Variants in ASB2 observed in about 807,000 individuals in gnomAD.
ASB2 encodes the protein ankyrin repeat and SOCS box protein 2.
Under a neutral mutation model 62.4 loss-of-function variants are expected in ASB2, and 58 were observed. That is an observed-to-expected ratio of 0.93 (90% CI 0.75 to 1.16). The LOEUF is 1.16. Ranked by LOEUF, ASB2 falls within the 50% of genes most tolerant of loss-of-function variation. ASB2 has a pLI of 0.00. For synonymous variants in ASB2, 386 were observed against 385.3 expected, an observed-to-expected ratio of 1.00 and a Z score of -0.02; for missense variants, 928 against 887.9, an observed-to-expected ratio of 1.05 and a Z score of -0.57.
intron 9 of ASB2, among the ~76,000 whole-genome samples, chr14:93,936,000 CA>C (rs993792789): frequency 1.3e-5 from 2 of 152,196 alleles, no homozygotes; most frequent in African/African-American, 4.8e-5. Context: ...TAATTAATTA[CA>C]GGCATTGAGG....
In ASB2 at chr14:93,954,458, T is replaced by A. The variant is rs1236352660; in HGVS notation, c.337A>T (p.Ile113Phe). ...AAGGCCTCTTCATCGCCATCCTTGA[T>A]GGCCTTTATCAAGGGGTCCGCAGGC... is the stretch of plus-strand genomic sequence containing the variant. Reference protein sequence around the residue: ...LAPADPLIKAIKDGDEEALKT... With the variant: ...LAPADPLIKAFKDGDEEALKT... Residue 113 changes from isoleucine (I) to phenylalanine (F), a missense_variant, in exon 4 of 10, where the codon ATC becomes TTC. Ile to Phe is a conservative substitution (Grantham distance 21, BLOSUM62 0). Transcript: ENST00000555019. The A allele has an allele frequency of 6.2e-7, 1 of 1,614,232 alleles. No homozygotes were observed. Among genetic ancestry groups the A allele is most frequent in the Non-Finnish European group, 8.5e-7 (1 of 1,180,036 alleles).
chr14:93,934,690 A>G lies in ASB2; in HGVS notation c.1874T>C (p.Leu625Pro). The G allele has an allele frequency of 6.2e-7, 1 of 1,614,154 alleles. No individual in the cohort carries two copies. Among genetic ancestry groups the G allele is most frequent in the Non-Finnish European group, 8.5e-7 (1 of 1,180,000 alleles). The change falls in exon 10 of 10, where the codon CTG becomes CCG. Residue 625 changes from leucine (L) to proline (P), a missense_variant. By Grantham distance (98) the Leu-to-Pro change is moderately conservative. Transcript: ENST00000555019. ...LLDTLPLPGR[L>P]IRYLKYENTQ Reference sequence around the variant, plus strand: ...GTTCTCGTATTTCAGGTATCTAATCAGCCTGCCTGGGAGCGGCAAGGTGTC... The same window carrying G: ...GTTCTCGTATTTCAGGTATCTAATCGGCCTGCCTGGGAGCGGCAAGGTGTC...
chr14:93,956,901 G>A (rs1350692688), intron 2 of ASB2, 31 bp from the exon 3 acceptor site: 11 of 1,613,820 alleles, frequency 6.8e-6, no homozygotes, highest in Non-Finnish European at 9.3e-6. Context: ...GTGAAAGAGG[G>A]AAAAGTACTC....
At chr14:93,971,955 T>C (rs1184002660) in intron 1 of ASB2, among the ~76,000 whole-genome samples, 1 of 149,738 alleles carries the variant, frequency 6.7e-6, no homozygotes, top group Non-Finnish European at 1.5e-5. Flanking sequence ...ACGCTACATG[T>C]ATTATATATA....
intron 1 of ASB2, among the ~76,000 whole-genome samples, chr14:93,973,758 C>T (rs1222094414): frequency 6.6e-6 from 1 of 151,476 alleles, no homozygotes; most frequent in East Asian, 1.9e-4. Flanking sequence ...ATTCCAGGCC[C>T]CTGACCCATA....
chr14:93,961,895 A>G (rs1367776175), intron 2 of ASB2, among the ~76,000 whole-genome samples: 2 of 152,168 alleles, frequency 1.3e-5, no homozygotes, highest in Admixed American at 6.5e-5. Context: ...TCACAGCATC[A>G]GCAGAGCCTG....
At chr14:93,945,317 G>C (rs1422658855) in intron 7 of ASB2, among the ~76,000 whole-genome samples, 3 of 152,132 alleles carry the variant, frequency 2.0e-5, no homozygotes, top group African/African-American at 7.2e-5. Flanking sequence ...ATGATTTGTG[G>C]AACTCAAGAG....
At chr14:93,945,516 G>C (rs945499442) in intron 7 of ASB2, among the ~76,000 whole-genome samples, 2 of 152,156 alleles carry the variant, frequency 1.3e-5, no homozygotes, top group Non-Finnish European at 2.9e-5. Context: ...CTGGTCCTCC[G>C]ACAACCCCAT....
chr14:93,962,195 A>C (rs1889434310), intron 2 of ASB2, among the ~76,000 whole-genome samples: 1 of 99,884 alleles, frequency 1.0e-5, no homozygotes. Flanking sequence ...GCTCACTGCA[A>C]GCTCCGCCTC....
chr14:93,955,537 T>C (rs1317896116), intron 3 of ASB2: 1 of 177,964 alleles, frequency 5.6e-6, no homozygotes, highest in African/African-American at 2.3e-5. Context: ...AGTGGGGGTA[T>C]GTGCCCCCCT....
rs776458352 is a variant in ASB2, at chr14:93,939,534, C to T, written c.1191G>A (p.Thr397=). 18 of 1,603,280 alleles carry T rather than the reference C, an allele frequency of 1.1e-5. 1 individual carries two copies. In the South Asian group the frequency reaches 1.9e-4, roughly 17 times the overall value. The change falls in exon 8 of 10, where the codon ACG becomes ACA. Residue 397 remains threonine (T), a synonymous_variant. Coordinates refer to ENST00000555019, the MANE Select transcript of ASB2 (RefSeq NM_001202429.2). ...GGCGCGCGCGCTCGGGGGCCAGCGGCGTGTTCACGTCGAAGCGCGCGCTCA... is the reference window on the plus strand; with the variant it reads ...GGCGCGCGCGCTCGGGGGCCAGCGGTGTGTTCACGTCGAAGCGCGCGCTCA... ...ALLSARFDVN[T]PLAPERARLY...
chr14:93,940,159 C>A (rs1467397581), intron 7 of ASB2: 1 of 156,316 alleles, frequency 6.4e-6, no homozygotes, highest in Non-Finnish European at 1.4e-5. Flanking sequence ...GGCAGTAGAG[C>A]CTAGTGGCGA....
chr14:93,952,503 C>T (rs1433705146), intron 5 of ASB2, among the ~76,000 whole-genome samples: 7 of 152,216 alleles, frequency 4.6e-5, no homozygotes, highest in African/African-American at 1.7e-4. Context: ...GTAATTTTTC[C>T]AAGTACAAAG....
rs761556357 is a variant in ASB2 at position 93,937,794 on chromosome 14, C to T, written c.1675G>A (p.Val559Ile). Residue 559 changes from valine (V) to isoleucine (I), a missense_variant, in exon 9 of 10, where the codon GTC (valine) becomes ATC (isoleucine). Coordinates refer to ENST00000555019, the MANE Select transcript of ASB2 (RefSeq NM_001202429.2). ...VSRWAGPIID[V>I]LLDYVGNVQL... The stretch of plus-strand genomic sequence containing the variant: ...ACGTTGCCCACGTAGTCCAGGAGGA[C>T]ATCGATGATGGGCCCCGCCCAGCGG... The T allele has an allele frequency of 3.7e-6, 6 of 1,611,826 alleles. No individual in the cohort carries two copies. The South Asian group carries it at 5.5e-5, about 15-fold the overall frequency.
intron 2 of ASB2, among the ~76,000 whole-genome samples, chr14:93,962,107 CTTTTT>C (rs35800977): frequency 5.5e-5 from 4 of 72,998 alleles, no homozygotes; most frequent in Middle Eastern, 0.016. Context: ...ATTAAACATT[CTTTTT>C]TTTTTTTTTT....
chr14:93,944,419 G>A (rs995332797), intron 7 of ASB2, among the ~76,000 whole-genome samples: 2 of 152,262 alleles, frequency 1.3e-5, no homozygotes, highest in African/African-American at 4.8e-5. Flanking sequence ...GTGTGCTGAC[G>A]AGAAGACACC....
intron 5 of ASB2, 129 bp from the exon 6 acceptor site, chr14:93,951,373 C>T (rs746021891): frequency 5.4e-6 from 6 of 1,115,454 alleles, no homozygotes; most frequent in Non-Finnish European, 6.3e-6. Flanking sequence ...TATTAAGTTC[C>T]AATCCCTGCA....
chr14:93,958,969 G>T (rs183865127), intron 2 of ASB2, among the ~76,000 whole-genome samples: 39 of 152,340 alleles, frequency 2.6e-4, no homozygotes, highest in African/African-American at 7.5e-4. Context: ...ATGGTGGCCG[G>T]GATGTTGAGG....
At chr14:93,942,153 G>A (rs1340243973) in intron 7 of ASB2, 1 of 455,484 alleles carries the variant, frequency 2.2e-6, no homozygotes, top group Admixed American at 2.3e-5. Flanking sequence ...AGGAGGACAA[G>A]GGGGTGACCC....
Sources: allele counts gnomAD v4.1 joint callset (sites outside exome capture counted in the v4.1 genomes callset), GRCh38; gene constraint gnomAD v4.1.1; transcripts MANE v1.5; gene names NCBI Gene and HGNC (gene_info 2026-07-23, HGNC 2026-07-21).